Variants in GRK3 observed in about 807,000 individuals in gnomAD.
GRK3 encodes the protein adrenergic, beta, receptor kinase 2.
In GRK3, 54 loss-of-function variants were observed where a neutral mutation model predicts 95.7. That is an observed-to-expected ratio of 0.56 (90% CI 0.45 to 0.71). The LOEUF (loss-of-function observed/expected upper bound fraction) is 0.71, where lower values mean the gene tolerates loss of function less well. Ranked by LOEUF, GRK3 falls within the 30% of genes least tolerant of loss-of-function variation. The probability of loss-of-function intolerance (pLI) is 0.00; values close to 1 mark genes in which losing one functional copy is unlikely to be tolerated. For synonymous variants in GRK3, 281 were observed against 290.8 expected, an observed-to-expected ratio of 0.97 and a Z score of 0.34; for missense variants, 649 against 851.2, an observed-to-expected ratio of 0.76 and a Z score of 2.96.
In GRK3 at chr22:25,716,009, T is replaced by G. The variant is rs544006670; in HGVS notation, c.1654+1439T>G. ...GTAAGCTCTTCTTTTTTTTTCTAGA[T>G]GGAGTCTCACACTGTCACCCAGGTT... is the stretch of plus-strand genomic sequence containing the variant. On this transcript the variant is annotated intron_variant, in intron 18 of 20. Coordinates refer to ENST00000324198, the MANE Select transcript of GRK3 (RefSeq NM_005160.4). Among the ~76,000 whole-genome samples the G allele has an allele frequency of 5.3e-5, 8 of 152,230 alleles. 1 individual carries two copies. The Middle Eastern group carries it at 0.027, about 518-fold the overall frequency.
intron 1 of GRK3, among the ~76,000 whole-genome samples, chr22:25,576,434 A>C (rs1483283992): frequency 6.6e-6 from 1 of 152,256 alleles, no homozygotes; most frequent in Non-Finnish European, 1.5e-5. Flanking sequence ...ACTATAGTTC[A>C]TGAAACCACT....
chr22:25,702,990 C>T (rs1366720509), intron 13 of GRK3: 7 of 410,408 alleles, frequency 1.7e-5, no homozygotes, highest in South Asian at 3.5e-5. Flanking sequence ...TGCTGGTGCA[C>T]GGTTAGTTTC....
At chr22:25,613,708 C>T (rs938311084) in intron 2 of GRK3, among the ~76,000 whole-genome samples, 16 of 152,136 alleles carry the variant, frequency 1.1e-4, no homozygotes, top group African/African-American at 3.9e-4. Flanking sequence ...TTTCAGCTGA[C>T]TTCATCACCT....
intron 18 of GRK3, among the ~76,000 whole-genome samples, chr22:25,717,963 C>T (rs888938883): frequency 1.3e-5 from 2 of 152,106 alleles, no homozygotes; most frequent in Non-Finnish European, 2.9e-5. Context: ...AGTTTGGAAA[C>T]TAACTTTTGC....
intron 8 of GRK3, among the ~76,000 whole-genome samples, chr22:25,678,182 C>T (rs1219765008): frequency 6.6e-6 from 1 of 152,146 alleles, no homozygotes; most frequent in African/African-American, 2.4e-5. Flanking sequence ...TGGCCGGGCA[C>T]GGTGGCTCAT....
At chr22:25,625,587 G>A (rs1280949394) in intron 2 of GRK3, among the ~76,000 whole-genome samples, 1 of 152,168 alleles carries the variant, frequency 6.6e-6, no homozygotes, top group African/African-American at 2.4e-5. Context: ...GTTTAGAGAA[G>A]ACTCTGCTCC....
intron 2 of GRK3, among the ~76,000 whole-genome samples, chr22:25,637,168 G>A (rs2084708272): frequency 7.1e-6 from 1 of 141,812 alleles, no homozygotes; most frequent in Non-Finnish European, 1.5e-5. Context: ...GAGACTCCAG[G>A]ATTGATACTA....
intron 2 of GRK3, among the ~76,000 whole-genome samples, chr22:25,626,294 A>G (rs2146363574): frequency 6.6e-6 from 1 of 152,306 alleles, no homozygotes; most frequent in Admixed American, 6.5e-5. Context: ...TTGCCGTAGG[A>G]CTTGCAGATG....
chr22:25,565,347 C>T (rs1931428891), intron 1 of GRK3, among the ~76,000 whole-genome samples, 194 bp downstream of exon 1: 1 of 152,158 alleles, frequency 6.6e-6, no homozygotes, highest in African/African-American at 2.4e-5. Context: ...GTGGGGGGCA[C>T]CCCGGGAGAG....
intron 3 of GRK3, chr22:25,647,459 G>T (rs2084793769): frequency 7.6e-7 from 1 of 1,323,508 alleles, no homozygotes; most frequent in Non-Finnish European, 1.1e-6. Flanking sequence ...AGGATCCTCA[G>T]GGGTAACACC....
intron 1 of GRK3, among the ~76,000 whole-genome samples, chr22:25,577,844 A>T (rs1310373465): frequency 6.6e-6 from 1 of 152,210 alleles, no homozygotes; most frequent in Non-Finnish European, 1.5e-5. Context: ...TCTCTAAGAT[A>T]GACACCTAGA....
At chr22:25,578,611 G>A (rs1401934298) in intron 1 of GRK3, among the ~76,000 whole-genome samples, 2 of 152,200 alleles carry the variant, frequency 1.3e-5, no homozygotes, top group Admixed American at 1.3e-4. Context: ...CCGCCAGGGA[G>A]GCGGAGAGTT....
chr22:25,682,360 A>G (rs2085081614), intron 9 of GRK3, among the ~76,000 whole-genome samples: 1 of 152,196 alleles, frequency 6.6e-6, no homozygotes, highest in Non-Finnish European at 1.5e-5. Flanking sequence ...TATCCAAGTT[A>G]GACTCCTACC....
chr22:25,579,911 A>G lies in GRK3; in HGVS notation c.113+14758A>G, dbSNP rs1932042257. Among the ~76,000 whole-genome samples the G allele has an allele frequency of 2.0e-5, 3 of 152,230 alleles. No individual in the cohort carries two copies. In the South Asian group the frequency reaches 6.2e-4, roughly 32 times the overall value. On this transcript the variant is annotated intron_variant, in intron 1 of 20. Transcript: ENST00000324198. ...ATCAATGTATGATATCGCTAAATGA[A>G]AGATTGATGGGGAATTTCAGATGGA...
chr22:25,660,033 T>C (rs1171685417), intron 3 of GRK3, among the ~76,000 whole-genome samples: 1 of 152,232 alleles, frequency 6.6e-6, no homozygotes, highest in East Asian at 1.9e-4. Flanking sequence ...GCTGTTCTTA[T>C]GTAGAGGCAG....
At chr22:25,644,700 C>T (rs768645022) in intron 3 of GRK3, 35 bp downstream of exon 3, 5 of 1,078,650 alleles carry the variant, frequency 4.6e-6, no homozygotes, top group Middle Eastern at 2.4e-4. Flanking sequence ...GCTTTTCTTT[C>T]AAAAGCATAT....
At chr22:25,708,620 G>C (rs1001417387) in intron 15 of GRK3, among the ~76,000 whole-genome samples, 18 of 152,038 alleles carry the variant, frequency 1.2e-4, no homozygotes, top group Admixed American at 1.2e-3. Context: ...TGTGCTGGGA[G>C]TGCTCCTCCC....
rs1194375221 is a variant in GRK3, at chr22:25,661,698, T to TTAAGTAAAGTAACTTACA, written c.366+21_366+22insTAAGTAAAGTAACTTACA. On this transcript the variant is annotated intron_variant, in intron 4 of 20. Coordinates refer to ENST00000324198, the MANE Select transcript of GRK3 (RefSeq NM_005160.4). ...CACATGTAAGTATTTCTTCTTACTC[T>TTAAGTAAAGTAACTTACA]GTTACTTTAGTACTGATGAATAAGG... 5 of 1,457,416 alleles carry TTAAGTAAAGTAACTTACA rather than the reference T, an allele frequency of 3.4e-6. No individual in the cohort carries two copies. In the African/African-American group the frequency reaches 7.0e-5, roughly 20 times the overall value. The allele number at this position is 1,457,416 out of a possible 1,614,324, so 90.3% of individuals were successfully genotyped here.
intron 1 of GRK3, among the ~76,000 whole-genome samples, chr22:25,566,644 A>G (rs1314676789): frequency 6.6e-6 from 1 of 152,196 alleles, no homozygotes; most frequent in Non-Finnish European, 1.5e-5. Flanking sequence ...AGAGTGTAGC[A>G]TATCTGAAGC....
Sources: allele counts gnomAD v4.1 joint callset (sites outside exome capture counted in the v4.1 genomes callset), GRCh38; gene constraint gnomAD v4.1.1; transcripts MANE v1.5; gene names NCBI Gene and HGNC (gene_info 2026-07-23, HGNC 2026-07-21).